PLCXD3: variants seen among roughly 807,000 people sequenced by gnomAD.
PLCXD3 encodes the protein phosphatidylinositol specific phospholipase C X domain containing 3, also known as PI-PLC X domain-containing protein 3.
In PLCXD3, 19 loss-of-function variants were observed where a neutral mutation model predicts 25.5. The observed-to-expected ratio is 0.75, with a 90% CI of 0.52 to 1.09. The LOEUF (loss-of-function observed/expected upper bound fraction) is 1.09, where lower values mean the gene tolerates loss of function less well. Ranked by LOEUF, PLCXD3 falls within the 50% of genes least tolerant of loss-of-function variation. The probability of loss-of-function intolerance (pLI) is 0.00; values close to 1 mark genes in which losing one functional copy is unlikely to be tolerated. For synonymous variants in PLCXD3, 174 were observed against 137.6 expected, an observed-to-expected ratio of 1.26 and a Z score of -1.85; for missense variants, 411 against 388.1, an observed-to-expected ratio of 1.06 and a Z score of -0.50.
chr5:41,411,657 T>C (rs1178202588), intron 1 of PLCXD3, among the ~76,000 whole-genome samples: 1 of 151,984 alleles, frequency 6.6e-6, no homozygotes, highest in Non-Finnish European at 1.5e-5. Flanking sequence ...TGCTACATGA[T>C]ATTTGGTCTT....
intron 1 of PLCXD3, among the ~76,000 whole-genome samples, chr5:41,488,859 T>C (rs1362144488): frequency 1.3e-5 from 2 of 150,302 alleles, no homozygotes; most frequent in Non-Finnish European, 3.0e-5. Context: ...GTTGTGAAAA[T>C]TTTCTCCCAT....
At chr5:41,423,827 A>T (rs957060625) in intron 1 of PLCXD3, among the ~76,000 whole-genome samples, 1 of 152,116 alleles carries the variant, frequency 6.6e-6, no homozygotes, top group Non-Finnish European at 1.5e-5. Context: ...TTGTTGAGAT[A>T]TATTTGAAAA....
chr5:41,468,158 C>G lies in PLCXD3; in HGVS notation c.103+42266G>C, dbSNP rs74732364. 4.0e-3 allele frequency among the ~76,000 whole-genome samples: 601 copies of G among 151,730 alleles called. 3 individuals are homozygous for G. The highest frequency in any genetic ancestry group is 0.014 in the African/African-American group (574 of 41,392). On this transcript the variant is annotated intron_variant, in intron 1 of 2. Transcript: ENST00000377801. The stretch of plus-strand genomic sequence containing the variant: ...TCAGCCTCCTGAGTAGCTGGGATAA[C>G]AGGCACCTGCCACCTGGCCCAGCTG...
chr5:41,482,752 G>A (rs375544652), intron 1 of PLCXD3, among the ~76,000 whole-genome samples: 33 of 152,272 alleles, frequency 2.2e-4, no homozygotes, highest in African/African-American at 6.5e-4. Flanking sequence ...AATCTGACTA[G>A]GCTATTTCTT....
intron 1 of PLCXD3, among the ~76,000 whole-genome samples, chr5:41,423,059 T>G (rs1354713932): frequency 1.3e-5 from 2 of 152,158 alleles, no homozygotes; most frequent in Non-Finnish European, 2.9e-5. Flanking sequence ...CTTTTCTATA[T>G]TTGTGAGGTG....
At chr5:41,432,865 G>A (rs927059839) in intron 1 of PLCXD3, among the ~76,000 whole-genome samples, 10 of 152,308 alleles carry the variant, frequency 6.6e-5, no homozygotes, top group African/African-American at 2.4e-4. Flanking sequence ...TGAATAGACT[G>A]ATGGACCTTT....
At chr5:41,441,395 C>A (rs1429810400) in intron 1 of PLCXD3, among the ~76,000 whole-genome samples, 1 of 152,190 alleles carries the variant, frequency 6.6e-6, no homozygotes, top group African/African-American at 2.4e-5. Context: ...AGAAGAAATG[C>A]ATTGGGAATA....
At chr5:41,371,437 A>G (rs771405674) in intron 2 of PLCXD3, among the ~76,000 whole-genome samples, 3 of 152,128 alleles carry the variant, frequency 2.0e-5, no homozygotes, top group African/African-American at 4.8e-5. Flanking sequence ...AGACTCCTTT[A>G]CCAATTACAG....
chr5:41,314,736 G>T (rs903115747), intron 2 of PLCXD3, among the ~76,000 whole-genome samples: 1 of 152,116 alleles, frequency 6.6e-6, no homozygotes, highest in Admixed American at 6.5e-5. Context: ...GGATACTGAG[G>T]AAAAGGGGGC....
At chr5:41,437,532 G>T (rs537076494) in intron 1 of PLCXD3, among the ~76,000 whole-genome samples, 1 of 152,170 alleles carries the variant, frequency 6.6e-6, no homozygotes, top group African/African-American at 2.4e-5. Flanking sequence ...AGGAGCAATG[G>T]ATCTCAGTTT....
At chr5:41,381,247 G>C (rs1329188618) in intron 2 of PLCXD3, among the ~76,000 whole-genome samples, 1 of 152,098 alleles carries the variant, frequency 6.6e-6, no homozygotes, top group Non-Finnish European at 1.5e-5. Flanking sequence ...ATGTGAAAAA[G>C]GGTGCTATGA....
rs1744837987 is a variant in PLCXD3 at position 41,363,123 on chromosome 5, G to A, written c.812+18703C>T. Among the ~76,000 whole-genome samples, 11 of 152,248 alleles carry A rather than the reference G, an allele frequency of 7.2e-5. No individual in the cohort carries two copies. The South Asian group carries it at 2.1e-3, about 29-fold the overall frequency. The stretch of plus-strand genomic sequence containing the variant: ...CAGATGAAATTAAATGACTTCTCCT[G>A]GCTTACAGAGTTAGTCGGTACATGG... On this transcript the variant is annotated intron_variant, in intron 2 of 2. Transcript: ENST00000377801.
intron 2 of PLCXD3, among the ~76,000 whole-genome samples, chr5:41,316,703 A>T (rs961894498): frequency 6.6e-6 from 1 of 152,178 alleles, no homozygotes; most frequent in African/African-American, 2.4e-5. Flanking sequence ...TTAAGGGAAC[A>T]TCAGTGGTAG....
At chr5:41,319,684 A>G (rs1743402551) in intron 2 of PLCXD3, among the ~76,000 whole-genome samples, 1 of 152,160 alleles carries the variant, frequency 6.6e-6, no homozygotes, top group Admixed American at 6.5e-5. Flanking sequence ...AAACAATCTA[A>G]TGATGCATCT....
chr5:41,490,199 G>T (rs1283966888), intron 1 of PLCXD3, among the ~76,000 whole-genome samples: 1 of 152,114 alleles, frequency 6.6e-6, no homozygotes, highest in African/African-American at 2.4e-5. Context: ...TAATCACGTG[G>T]TTTTTGTCTT....
chr5:41,398,558 GAAGTA>G (rs1253696750), intron 1 of PLCXD3, among the ~76,000 whole-genome samples: 1 of 152,134 alleles, frequency 6.6e-6, no homozygotes, highest in Non-Finnish European at 1.5e-5. Flanking sequence ...TCCCTGAGAT[GAAGTA>G]TAGTTCAACA....
chr5:41,477,533 A>T (rs1232340416), intron 1 of PLCXD3, among the ~76,000 whole-genome samples: 1 of 152,146 alleles, frequency 6.6e-6, no homozygotes, highest in Admixed American at 6.6e-5. Flanking sequence ...TCAAAGAATC[A>T]GGTGCATATT....
intron 1 of PLCXD3, among the ~76,000 whole-genome samples, chr5:41,476,727 T>C (rs1748291907): frequency 6.6e-6 from 1 of 152,090 alleles, no homozygotes; most frequent in Non-Finnish European, 1.5e-5. Context: ...GTCCTGTGAG[T>C]CCCCCTAGCA....
intron 2 of PLCXD3, among the ~76,000 whole-genome samples, chr5:41,347,464 C>T (rs1744333304): frequency 6.6e-6 from 1 of 152,194 alleles, no homozygotes; most frequent in South Asian, 2.1e-4. Flanking sequence ...TCTCACAGCA[C>T]CTCAACACCT....
Sources: gnomAD v4.1 joint callset for allele counts (sites outside exome capture counted in the v4.1 genomes callset) on GRCh38, gnomAD v4.1.1 for gene constraint, MANE v1.5 for transcripts, NCBI Gene and HGNC (gene_info 2026-07-23, HGNC 2026-07-21) for gene names.